Variants in GDAP2 observed in about 807,000 individuals in gnomAD.
GDAP2 encodes the protein ganglioside-induced differentiation-associated protein 2.
In GDAP2, 51 loss-of-function variants were observed where a neutral mutation model predicts 67.0. The ratio of observed to expected loss-of-function variants is 0.76; its 90% CI spans 0.61 to 0.96. The LOEUF (loss-of-function observed/expected upper bound fraction) is 0.96. GDAP2 is among the 40% of genes least tolerant of loss of function. The pLI is 0.00. For missense variants in GDAP2, 547 were observed against 588.3 expected, an observed-to-expected ratio of 0.93 and a Z score of 0.73; for synonymous variants, 203 against 207.3, an observed-to-expected ratio of 0.98 and a Z score of 0.18.
rs1462583151 is a variant in GDAP2 at position 117,869,663 on chromosome 1, T to C, written c.*906A>G. 1 of 152,606 alleles carries C rather than the reference T, an allele frequency of 6.6e-6. No individual in the cohort carries two copies. Among genetic ancestry groups the C allele is most frequent in the African/African-American group, 2.4e-5 (1 of 41,440 alleles). 9.5% of individuals were successfully genotyped at this position (152,606 alleles called of 1,614,324 possible). A position where few individuals can be genotyped will look rare whatever the true frequency, so the allele number is the denominator to read the frequency against. ...CCTGGATTTGTTCACTGTGACACAC[T>C]TCCTCCACACTGATGCAGGCAACTC... is the stretch of plus-strand genomic sequence containing the variant. On this transcript the variant is annotated 3_prime_UTR_variant, in exon 14 of 14. Coordinates refer to ENST00000369443, the MANE Select transcript of GDAP2 (RefSeq NM_017686.4).
intron 10 of GDAP2, among the ~76,000 whole-genome samples, 184 bp downstream of exon 10, chr1:117,886,393 G>A (rs146095973): frequency 1.2e-3 from 181 of 152,178 alleles, no homozygotes; most frequent in Non-Finnish European, 2.2e-3. Flanking sequence ...TTCTTGGACA[G>A]AGAAAAATCA....
chr1:117,879,800 G>A (rs1366258371), intron 12 of GDAP2, among the ~76,000 whole-genome samples: 2 of 152,062 alleles, frequency 1.3e-5, no homozygotes, highest in South Asian at 2.1e-4. Context: ...ATATATTTTG[G>A]AGGGTCACTG....
chr1:117,891,007 G>A lies in GDAP2; in HGVS notation c.954-3233C>T, dbSNP rs530823569. ...ACAAAAATGCTCACTGGAACATTTCGGATTTTTGGGATTTGGGATGTTCAA... is the reference window on the plus strand; with the variant it reads ...ACAAAAATGCTCACTGGAACATTTCAGATTTTTGGGATTTGGGATGTTCAA... On this transcript the variant is annotated intron_variant, in intron 8 of 13. Coordinates refer to ENST00000369443, the MANE Select transcript of GDAP2 (RefSeq NM_017686.4). Among the ~76,000 whole-genome samples, 9 of 151,478 alleles carry A rather than the reference G, an allele frequency of 5.9e-5. 1 individual carries two copies. The highest frequency in any genetic ancestry group is 5.3e-4 in the Admixed American group (8 of 15,154).
At chr1:117,882,291 A>G (rs1648677851) in intron 11 of GDAP2, among the ~76,000 whole-genome samples, 1 of 152,142 alleles carries the variant, frequency 6.6e-6, no homozygotes, top group African/African-American at 2.4e-5. Context: ...TTGTTGTAAC[A>G]ATCTGTTATA....
chr1:117,912,355 G>A (rs542314791), intron 4 of GDAP2, among the ~76,000 whole-genome samples, 175 bp downstream of exon 4: 23 of 152,150 alleles, frequency 1.5e-4, no homozygotes, highest in African/African-American at 4.8e-4. Flanking sequence ...CATTTATCCC[G>A]CTAAGTTTGA....
At chr1:117,925,411 C>A (rs1334236428) in intron 1 of GDAP2, among the ~76,000 whole-genome samples, 1 of 152,054 alleles carries the variant, frequency 6.6e-6, no homozygotes, top group Non-Finnish European at 1.5e-5. Flanking sequence ...TGAGATCACA[C>A]CACTGCACTC....
intron 12 of GDAP2, 133 bp downstream of exon 12, chr1:117,881,690 G>A (rs1379871836): frequency 9.1e-6 from 6 of 659,020 alleles, no homozygotes; most frequent in African/African-American, 1.8e-5. Context: ...CACAACTCAA[G>A]ATCACTTAGA....
intron 3 of GDAP2, among the ~76,000 whole-genome samples, chr1:117,918,383 C>T (rs112027678): frequency 6.6e-6 from 1 of 152,188 alleles, no homozygotes; most frequent in Non-Finnish European, 1.5e-5. Flanking sequence ...AGAAGTTTTA[C>T]TGGTAGTAAA....
chr1:117,900,515 C>A (rs935242394), intron 6 of GDAP2, among the ~76,000 whole-genome samples: 2 of 152,148 alleles, frequency 1.3e-5, no homozygotes, highest in Admixed American at 1.3e-4. Context: ...TGCCTGTAAT[C>A]ACAGCATTCT....
chr1:117,925,435 G>A (rs565546301), intron 1 of GDAP2, among the ~76,000 whole-genome samples: 1 of 152,176 alleles, frequency 6.6e-6, no homozygotes, highest in Non-Finnish European at 1.5e-5. Flanking sequence ...CACGGTGACA[G>A]AGCAAAACCC....
At chr1:117,912,186 C>T (rs1649879748) in intron 4 of GDAP2, 104 bp from the exon 5 acceptor site, 1 of 718,450 alleles carries the variant, frequency 1.4e-6, no homozygotes. Flanking sequence ...TCCTTTCCTC[C>T]CTCTTCAACA....
At chr1:117,878,704 T>C (rs898271849) in intron 12 of GDAP2, among the ~76,000 whole-genome samples, 1 of 152,224 alleles carries the variant, frequency 6.6e-6, no homozygotes, top group Non-Finnish European at 1.5e-5. Context: ...CTCATTTCAC[T>C]TGACAACATG....
At chr1:117,891,126 C>CA (rs1438057952) in intron 8 of GDAP2, among the ~76,000 whole-genome samples, 1 of 149,536 alleles carries the variant, frequency 6.7e-6, no homozygotes, top group Non-Finnish European at 1.5e-5. Flanking sequence ...CATACTTAAT[C>CA]TGTATATATC....
rs996673800 is a variant in GDAP2, at chr1:117,865,276, T to A, written c.*5293A>T. On this transcript the variant is annotated 3_prime_UTR_variant, in exon 14 of 14. Coordinates refer to ENST00000369443, the MANE Select transcript of GDAP2 (RefSeq NM_017686.4). ...TAATGTCCCATCCTGGGGTTCAATA[T>A]AAACACTATTATTTCACTATTGATT... 1 of 152,190 alleles carries A rather than the reference T, an allele frequency of 6.6e-6. No individual in the cohort carries two copies. The highest frequency in any genetic ancestry group is 1.5e-5 in the Non-Finnish European group (1 of 68,028). 9.4% of individuals were successfully genotyped at this position (152,190 alleles called of 1,614,324 possible).
rs1647965342 is a variant in GDAP2, at chr1:117,863,545, T to C, written c.*7024A>G. 3 of 152,260 alleles carry C rather than the reference T, an allele frequency of 2.0e-5. No individual in the cohort carries two copies. The highest frequency in any genetic ancestry group is 2.0e-4 in the Admixed American group (3 of 15,284). 9.4% of individuals were successfully genotyped at this position (152,260 alleles called of 1,614,324 possible). A position where few individuals can be genotyped will look rare whatever the true frequency, so the allele number is the denominator to read the frequency against. The stretch of plus-strand genomic sequence containing the variant: ...CATGACTGCCTTTAAATGAAATCTG[T>C]ATTTCACATCAATTTGAAATCAGCA... On this transcript the variant is annotated 3_prime_UTR_variant, in exon 14 of 14. Transcript: ENST00000369443.
At chr1:117,898,160 T>G (rs908768601) in intron 7 of GDAP2, among the ~76,000 whole-genome samples, 1 of 152,190 alleles carries the variant, frequency 6.6e-6, no homozygotes, top group African/African-American at 2.4e-5. Context: ...CACCACTCAT[T>G]ATCACACTAA....
intron 6 of GDAP2, among the ~76,000 whole-genome samples, chr1:117,901,009 G>A (rs1472242993): frequency 1.3e-5 from 2 of 152,144 alleles, no homozygotes; most frequent in African/African-American, 2.4e-5. Flanking sequence ...GTAGTGAGCC[G>A]AGATCGTGCC....
chr1:117,921,083 G>A (rs1650237563), intron 1 of GDAP2, among the ~76,000 whole-genome samples: 2 of 152,174 alleles, frequency 1.3e-5, no homozygotes, highest in Non-Finnish European at 2.9e-5. Flanking sequence ...GTACTAGAGA[G>A]AAGCAATGGG....
chr1:117,871,029 C>T (rs1200143098), intron 13 of GDAP2, among the ~76,000 whole-genome samples: 3 of 152,164 alleles, frequency 2.0e-5, no homozygotes, highest in Non-Finnish European at 2.9e-5. Flanking sequence ...AAATTCAAAT[C>T]TATTTAAATC....
Sources: gnomAD v4.1 joint callset for allele counts (sites outside exome capture counted in the v4.1 genomes callset) on GRCh38, gnomAD v4.1.1 for gene constraint, MANE v1.5 for transcripts, NCBI Gene and HGNC (gene_info 2026-07-23, HGNC 2026-07-21) for gene names.